The following SIMC1 variants were observed in gnomAD, a reference collection of about 807,000 sequenced individuals.
The protein encoded by SIMC1 is SUMO-interacting motif-containing protein 1.
SIMC1 carries 55 observed loss-of-function variants against 82.3 expected under a neutral mutation model. The observed-to-expected ratio is 0.67, with a 90% confidence interval of 0.54 to 0.84. The LOEUF (loss-of-function observed/expected upper bound fraction) is 0.84, where lower values mean the gene tolerates loss of function less well. SIMC1 is among the 40% of genes least tolerant of loss of function. SIMC1 has a pLI of 0.00. For missense variants in SIMC1, 915 were observed against 1,107.2 expected, an observed-to-expected ratio of 0.83 and a Z score of 2.46; for synonymous variants, 353 against 426.3, an observed-to-expected ratio of 0.83 and a Z score of 2.12.
At chr5:176,317,233 C>T (rs1234164800) in intron 5 of SIMC1, among the ~76,000 whole-genome samples, 1 of 152,010 alleles carries the variant, frequency 6.6e-6, no homozygotes, top group Admixed American at 6.6e-5. Context: ...TAAATTATAC[C>T]TCAAAGAGGT....
intron 9 of SIMC1, among the ~76,000 whole-genome samples, chr5:176,339,628 T>C (rs1766045171): frequency 6.6e-6 from 1 of 152,238 alleles, no homozygotes; most frequent in Non-Finnish European, 1.5e-5. Flanking sequence ...ACACCTATCA[T>C]GGGCAATAAT....
At chr5:176,303,803 C>T (rs193048585) in intron 4 of SIMC1, among the ~76,000 whole-genome samples, 5 of 152,278 alleles carry the variant, frequency 3.3e-5, no homozygotes, top group African/African-American at 9.6e-5. Context: ...GGTGCTAAGA[C>T]GACTCAGTGG....
chr5:176,322,266 A>G lies in SIMC1; in HGVS notation c.1890-7A>G. On this transcript the variant is annotated splice_region_variant and splice_polypyrimidine_tract_variant and intron_variant, in intron 5 of 9. Coordinates refer to ENST00000429602, the MANE Select transcript of SIMC1 (RefSeq NM_001308195.2). ...AATAAACCTTTTCTTTCTTTTTTCC[A>G]TTACAGGGATGTTATCAAGTGGCTG... 3 of 1,544,974 alleles carry G rather than the reference A, an allele frequency of 1.9e-6. No homozygotes were observed. The highest frequency in any genetic ancestry group is 2.6e-6 in the Non-Finnish European group (3 of 1,145,156).
chr5:176,275,199 G>C (rs1297068048), intron 1 of SIMC1, among the ~76,000 whole-genome samples: 1 of 151,652 alleles, frequency 6.6e-6, no homozygotes, highest in Non-Finnish European at 1.5e-5. Context: ...CACGTCCCTT[G>C]TAAGTTGGAT....
At chr5:176,302,111 C>T (rs1168995987) in intron 4 of SIMC1, among the ~76,000 whole-genome samples, 1 of 152,084 alleles carries the variant, frequency 6.6e-6, no homozygotes, top group Non-Finnish European at 1.5e-5. Flanking sequence ...GGAATGATGA[C>T]AAGAAGAAAC....
chr5:176,261,303 G>C (rs946548026), intron 1 of SIMC1, among the ~76,000 whole-genome samples: 1 of 152,012 alleles, frequency 6.6e-6, no homozygotes, highest in African/African-American at 2.4e-5. Flanking sequence ...CACCGCGCCC[G>C]GCTGCTTTTC....
intron 5 of SIMC1, among the ~76,000 whole-genome samples, chr5:176,317,395 G>T (rs753538880): frequency 4.6e-5 from 7 of 152,066 alleles, no homozygotes; most frequent in Non-Finnish European, 7.4e-5. Flanking sequence ...TCCCTCACCT[G>T]CATTCCTGTT....
intron 1 of SIMC1, among the ~76,000 whole-genome samples, chr5:176,241,896 A>G (rs943267377): frequency 4.6e-5 from 7 of 151,940 alleles, no homozygotes; most frequent in African/African-American, 1.5e-4. Flanking sequence ...GCAGACCTCT[A>G]TCTACGGTAC....
At chr5:176,340,867 C>T (rs916601117) in intron 9 of SIMC1, among the ~76,000 whole-genome samples, 5 of 152,192 alleles carry the variant, frequency 3.3e-5, no homozygotes, top group South Asian at 4.1e-4. Context: ...ATTAAGTAGG[C>T]GGGGCGCAAG....
At chr5:176,287,231 A>G (rs188695588) in intron 1 of SIMC1, among the ~76,000 whole-genome samples, 3 of 152,352 alleles carry the variant, frequency 2.0e-5, no homozygotes, top group East Asian at 3.9e-4. Context: ...AACCAACCCA[A>G]ATATCCATCA....
chr5:176,301,284 A>T (rs1285230908), intron 4 of SIMC1, among the ~76,000 whole-genome samples: 1 of 152,066 alleles, frequency 6.6e-6, no homozygotes, highest in African/African-American at 2.4e-5. Flanking sequence ...TATAAAGGGG[A>T]GTTCCCCTAC....
intron 1 of SIMC1, among the ~76,000 whole-genome samples, chr5:176,281,768 C>T (rs1196377214): frequency 2.6e-5 from 4 of 152,134 alleles, no homozygotes; most frequent in East Asian, 1.9e-4. Context: ...CGAATGCTGC[C>T]GTCTGATCGT....
At position 176,295,117 on chromosome 5, in the gene SIMC1, G is replaced by T. The variant is rs746485306; in HGVS notation, c.1519G>T (p.Val507Leu). ...TGAAGAGAATTTTCCTCTGGGGACTGTGCAGTTTTTGATGGACTTTGTGTC... is the reference window on the plus strand; with the variant it reads ...TGAAGAGAATTTTCCTCTGGGGACTTTGCAGTTTTTGATGGACTTTGTGTC... Reference protein sequence around the residue: ...TIEENFPLGTVQFLMDFVSPQ... With the variant: ...TIEENFPLGTLQFLMDFVSPQ... The change falls in exon 3 of 10, where the codon GTG (valine) becomes TTG (leucine). Residue 507 changes from valine (V) to leucine (L), a missense_variant. Around this residue, in one of 2 missense-constraint regions of SIMC1, gnomAD observed 902 missense variants for 1,040.3 expected, o/e 0.87. Transcript: ENST00000429602. 2.2e-5 allele frequency: 36 copies of T among 1,613,518 alleles called. No homozygotes were observed. Among genetic ancestry groups the T allele is most frequent in the Non-Finnish European group, 3.1e-5 (36 of 1,179,692 alleles).
In SIMC1 at chr5:176,301,703, C is replaced by T. The variant is rs551742772; in HGVS notation, c.1734+5383C>T. On this transcript the variant is annotated intron_variant, in intron 4 of 9. Transcript: ENST00000429602. ...CTGAGGCAGGAGAATCACCTGAACC[C>T]GGGAGGCAGGGGTTGCAGTGAGGCA... Among the ~76,000 whole-genome samples, 11 of 150,910 alleles carry T rather than the reference C, an allele frequency of 7.3e-5. No homozygotes were observed. The South Asian group carries it at 2.1e-3, about 29-fold the overall frequency.
At chr5:176,283,018 A>G (rs1745273771) in intron 1 of SIMC1, among the ~76,000 whole-genome samples, 2 of 152,226 alleles carry the variant, frequency 1.3e-5, no homozygotes, top group Admixed American at 1.3e-4. Context: ...GAAATATGGG[A>G]CTATGTGAAA....
intron 2 of SIMC1, among the ~76,000 whole-genome samples, chr5:176,292,089 A>T (rs56164224): frequency 0.12 from 17,794 of 152,172 alleles, 1,102 homozygotes; most frequent in Admixed American, 0.15. Context: ...TTCAACTCCT[A>T]TGCTTTTCCC....
At chr5:176,313,151 A>G in intron 4 of SIMC1, 1 of 464,582 alleles carries the variant, frequency 2.2e-6, no homozygotes, top group Non-Finnish European at 3.1e-6. Flanking sequence ...AAGCCAACAG[A>G]CTTGGCTCAA....
At chr5:176,305,068 G>A (rs1448483381) in intron 4 of SIMC1, among the ~76,000 whole-genome samples, 7 of 144,366 alleles carry the variant, frequency 4.8e-5, no homozygotes, top group South Asian at 2.2e-4. Flanking sequence ...GTCTCCGCCC[G>A]GCAGCCACCC....
intron 1 of SIMC1, among the ~76,000 whole-genome samples, chr5:176,243,519 A>AC (rs1370046213): frequency 1.3e-5 from 2 of 151,326 alleles, no homozygotes; most frequent in East Asian, 3.9e-4. Context: ...GATTTGATTT[A>AC]CTTTTTTTTT....
Sources: gnomAD v4.1 joint callset for allele counts (sites outside exome capture counted in the v4.1 genomes callset) on GRCh38, gnomAD v4.1.1 for gene constraint, gnomAD v4.1.1 regional missense constraint, MANE v1.5 for transcripts, NCBI Gene and HGNC (gene_info 2026-07-23, HGNC 2026-07-21) for gene names.